The following NFIC variants were observed in gnomAD, a reference collection of about 807,000 sequenced individuals.
NFIC encodes the protein nuclear factor 1 C-type.
A neutral mutation model predicts 54.4 loss-of-function variants in NFIC; 12 were observed. That is an observed-to-expected ratio of 0.22 (90% CI 0.14 to 0.36). The LOEUF (loss-of-function observed/expected upper bound fraction) is 0.36, where lower values mean the gene tolerates loss of function less well. NFIC is among the 10% of genes least tolerant of loss of function. The pLI, the probability that NFIC is intolerant of heterozygous loss-of-function variation, is 1.00. For missense variants in NFIC, 575 were observed against 718.2 expected, an observed-to-expected ratio of 0.80 and a Z score of 2.28; for synonymous variants, 322 against 319.2, an observed-to-expected ratio of 1.01 and a Z score of -0.09.
At chr19:3,408,445 C>A (rs1420536574) in intron 2 of NFIC, among the ~76,000 whole-genome samples, 1 of 151,878 alleles carries the variant, frequency 6.6e-6, no homozygotes, top group Admixed American at 6.6e-5. Context: ...ACACATCACA[C>A]ACTTTTTTTT....
Position 3,391,683 on chromosome 19 carries a change from G to T in NFIC, c.562+9440G>T, listed in dbSNP as rs181034790. 3.8e-3 allele frequency among the ~76,000 whole-genome samples: 582 copies of T among 151,910 alleles called. 4 individuals are homozygous for T. The highest frequency in any genetic ancestry group is 0.013 in the African/African-American group (557 of 41,460). On this transcript the variant is annotated intron_variant, in intron 2 of 10. Transcript: ENST00000443272. ...ATGGTGGCGCGTGCCTGTAATCCCA[G>T]CTACTTGGGAGGCTGAGGCAGGAGA...
intron 3 of NFIC, among the ~76,000 whole-genome samples, chr19:3,427,848 GGAAA>G (rs914866953): frequency 1.1e-4 from 16 of 147,132 alleles, no homozygotes; most frequent in African/African-American, 2.5e-4. Context: ...GAAGAAAGAA[GGAAA>G]GAAAGAAAGA....
Position 3,441,113 on chromosome 19 carries a change from C to T in NFIC, c.958+5906C>T, listed in dbSNP as rs147036602. On this transcript the variant is annotated intron_variant, in intron 6 of 10. Coordinates refer to ENST00000443272, the MANE Select transcript of NFIC (RefSeq NM_001245002.2). ...GTGTGAGCCACCACACCCGGCTGGC[C>T]GCTTTTTCTCTATGTCCCTTCCCAA... Among the ~76,000 whole-genome samples, 361 of 152,314 alleles carry T rather than the reference C, an allele frequency of 2.4e-3. 11 individuals carry two copies. In the East Asian group the frequency reaches 0.057, roughly 24 times the overall value.
chr19:3,419,685 G>C (rs1403339585), intron 2 of NFIC, among the ~76,000 whole-genome samples: 1 of 151,730 alleles, frequency 6.6e-6, no homozygotes, highest in Non-Finnish European at 1.5e-5. Flanking sequence ...TGTAATCTCA[G>C]CTACTTAGGA....
intron 5 of NFIC, 133 bp downstream of exon 5, chr19:3,434,533 C>A: frequency 9.7e-6 from 13 of 1,335,260 alleles, no homozygotes; most frequent in Non-Finnish European, 1.3e-5. Flanking sequence ...GAAACTCCTA[C>A]TCATCTCATC....
chr19:3,432,536 C>G (rs1196706737), intron 3 of NFIC, among the ~76,000 whole-genome samples: 1 of 152,020 alleles, frequency 6.6e-6, no homozygotes, highest in Non-Finnish European at 1.5e-5. Flanking sequence ...ACGACAACCC[C>G]GATGATGGGA....
rs2081212461 is a variant in NFIC, at chr19:3,381,702, C to G, written c.31-10C>G. 1 of 1,612,628 alleles carries G rather than the reference C, an allele frequency of 6.2e-7. No individual in the cohort carries two copies. Among genetic ancestry groups the G allele is most frequent in the South Asian group, 1.1e-5 (1 of 91,026 alleles). ...TGGCGCTCCTGACCTCTCGCCTCTCCGGCCTGCAGGATGAGTTCCACCCGT... is the reference window on the plus strand; with the variant it reads ...TGGCGCTCCTGACCTCTCGCCTCTCGGGCCTGCAGGATGAGTTCCACCCGT... On this transcript the variant is annotated splice_polypyrimidine_tract_variant and intron_variant, in intron 1 of 10. Coordinates refer to ENST00000443272, the MANE Select transcript of NFIC (RefSeq NM_001245002.2).
At chr19:3,359,918 G>T (rs1286853768) in intron 1 of NFIC, among the ~76,000 whole-genome samples, 1 of 149,786 alleles carries the variant, frequency 6.7e-6, no homozygotes, top group Non-Finnish European at 1.5e-5. Flanking sequence ...GACCCCAAGT[G>T]GGGGGCCCCT....
At chr19:3,445,053 G>T (rs1206180764) in intron 6 of NFIC, among the ~76,000 whole-genome samples, 1 of 152,030 alleles carries the variant, frequency 6.6e-6, no homozygotes, top group Non-Finnish European at 1.5e-5. Flanking sequence ...GAACGTGCAT[G>T]TACAGGCATA....
chr19:3,411,648 G>T (rs12981408), intron 2 of NFIC, among the ~76,000 whole-genome samples: 61,620 of 151,906 alleles, frequency 0.41, 15,368 homozygotes, highest in Non-Finnish European at 0.55. Context: ...GCTCTGAAAA[G>T]TCCTACGTTG....
intron 2 of NFIC, among the ~76,000 whole-genome samples, chr19:3,419,814 T>A (rs772941807): frequency 1.3e-3 from 190 of 150,146 alleles, no homozygotes; most frequent in Middle Eastern, 3.4e-3. Context: ...AAAAAAAAAA[T>A]TTAATTTAAT....
chr19:3,400,348 G>A (rs537946899), intron 2 of NFIC, among the ~76,000 whole-genome samples: 1 of 151,992 alleles, frequency 6.6e-6, no homozygotes, highest in African/African-American at 2.4e-5. Context: ...GTGATGGCAG[G>A]TGCCTGTTGT....
intron 2 of NFIC, among the ~76,000 whole-genome samples, chr19:3,386,020 C>T (rs2081290662): frequency 6.6e-6 from 1 of 151,678 alleles, no homozygotes; most frequent in Non-Finnish European, 1.5e-5. Flanking sequence ...CCTCCTCATT[C>T]TGATTATAAT....
At chr19:3,387,934 C>A (rs1399082239) in intron 2 of NFIC, among the ~76,000 whole-genome samples, 1 of 152,114 alleles carries the variant, frequency 6.6e-6, no homozygotes, top group African/African-American at 2.4e-5. Context: ...CCAGGCCTCC[C>A]CGCCCCCTCT....
At chr19:3,407,709 C>T (rs548229164) in intron 2 of NFIC, among the ~76,000 whole-genome samples, 2 of 152,214 alleles carry the variant, frequency 1.3e-5, no homozygotes, top group Non-Finnish European at 2.9e-5. Context: ...GCTGGGATTA[C>T]AGACGTGAGC....
At position 3,375,977 on chromosome 19, in the gene NFIC, G is replaced by T. The variant is rs1482454760; in HGVS notation, c.31-5735G>T. On this transcript the variant is annotated intron_variant, in intron 1 of 10. Coordinates refer to ENST00000443272, the MANE Select transcript of NFIC (RefSeq NM_001245002.2). The surrounding 1 kb of genome is among the most constrained non-coding windows in gnomAD (Gnocchi z 4.6). ...GAGAAAGGGACCCGTGGCCTTCCAG[G>T]GGGTCAGGGCCCTGATTCTTATCCT... Among the ~76,000 whole-genome samples the T allele has an allele frequency of 6.6e-6, 1 of 152,036 alleles. No homozygotes were observed.
At chr19:3,457,225 G>A (rs918465816) in intron 10 of NFIC, among the ~76,000 whole-genome samples, 10 of 152,194 alleles carry the variant, frequency 6.6e-5, no homozygotes, top group African/African-American at 2.2e-4. Context: ...AGGGGCCAGC[G>A]TTCATGTTCA....
chr19:3,454,838 G>A (rs1041907926), intron 9 of NFIC, among the ~76,000 whole-genome samples: 1 of 151,184 alleles, frequency 6.6e-6, no homozygotes, highest in Non-Finnish European at 1.5e-5. Flanking sequence ...TCCCTGCCCC[G>A]GCGTTCCTGT....
chr19:3,464,643 A>G lies in NFIC; in HGVS notation c.*1874A>G. On this transcript the variant is annotated 3_prime_UTR_variant, in exon 11 of 11. Coordinates refer to ENST00000443272, the MANE Select transcript of NFIC (RefSeq NM_001245002.2). ...AGGTCTCCGGGTCTCACCTGCTCCT[A>G]GCCTCACCCCCCTGCCCCCGAAAAC... The G allele has an allele frequency of 1.0e-6, 1 of 977,748 alleles. No individual in the cohort carries two copies. The allele number at this position is 977,748 out of a possible 1,614,324, so 60.6% of individuals were successfully genotyped here.
Sources: allele counts gnomAD v4.1 joint callset (sites outside exome capture counted in the v4.1 genomes callset), GRCh38; gene constraint gnomAD v4.1.1; non-coding constraint Gnocchi (gnomAD v3.1); transcripts MANE v1.5; gene names NCBI Gene and HGNC (gene_info 2026-07-23, HGNC 2026-07-21).